CHEK2: variants seen among roughly 807,000 people sequenced by gnomAD.
CHEK2 encodes serine/threonine-protein kinase Chk2.
CHEK2 carries 71 observed loss-of-function variants against 69.1 expected under a neutral mutation model. That is an observed-to-expected ratio of 1.03 (90% CI 0.85 to 1.25). CHEK2 has a LOEUF of 1.25. Ranked by LOEUF, CHEK2 falls within the 50% of genes most tolerant of loss-of-function variation. The pLI is 0.00. For synonymous variants in CHEK2, 189 were observed against 226.9 expected, an observed-to-expected ratio of 0.83 and a Z score of 1.50; for missense variants, 664 against 649.6, an observed-to-expected ratio of 1.02 and a Z score of -0.24.
intron 1 of CHEK2, among the ~76,000 whole-genome samples, chr22:28,740,617 G>C (rs943326898): frequency 6.6e-6 from 1 of 152,196 alleles, no homozygotes; most frequent in Non-Finnish European, 1.5e-5. Context: ...AATGGCTTGA[G>C]CCTGTGTGCC....
rs139582072 is a variant in CHEK2 at position 28,713,131 on chromosome 22, A to C, written c.684-1114T>G. On this transcript the variant is annotated intron_variant, in intron 5 of 14. Coordinates refer to ENST00000404276, the MANE Select transcript of CHEK2 (RefSeq NM_007194.4). ...ATTCTTTCACTTAGCGTAATGCCAT[A>C]ACATTTGTGGTACTTCATTCCTTTT... Among the ~76,000 whole-genome samples, 1,282 of 152,320 alleles carry C rather than the reference A, an allele frequency of 8.4e-3. 21 individuals carry two copies. Among genetic ancestry groups the C allele is most frequent in the African/African-American group, 0.027 (1,141 of 41,560 alleles).
intron 13 of CHEK2, among the ~76,000 whole-genome samples, chr22:28,692,129 A>G (rs1159378449): frequency 2.0e-5 from 3 of 152,228 alleles, no homozygotes; most frequent in Non-Finnish European, 4.4e-5. Context: ...CAAGAAAGAT[A>G]GGCTATGCTT....
At chr22:28,740,006 T>C (rs919448206) in intron 1 of CHEK2, among the ~76,000 whole-genome samples, 2 of 151,918 alleles carry the variant, frequency 1.3e-5, no homozygotes, top group Non-Finnish European at 2.9e-5. Context: ...ATGGAGACCA[T>C]CCTGGTCGAC....
Position 28,689,191 on chromosome 22 carries a change from G to A in CHEK2, c.1486C>T (p.Gln496Ter), listed in dbSNP as rs756250205. 4 of 1,593,188 alleles carry A rather than the reference G, an allele frequency of 2.5e-6. No homozygotes were observed. Among genetic ancestry groups the A allele is most frequent in the Non-Finnish European group, 3.4e-6 (4 of 1,177,068 alleles). The change falls in exon 14 of 15, where the codon CAA (glutamine) becomes TAA (stop). Residue 496 changes from glutamine to a stop codon, truncating the protein, a stop_gained. Coordinates refer to ENST00000404276, the MANE Select transcript of CHEK2 (RefSeq NM_007194.4). LOFTEE classifies it high-confidence loss of function. ...TCATTTTCCTCAGACAGAAGATCTTGAAACTTTCTCTTCATGTCTTCATCC... is the reference window on the plus strand; with the variant it reads ...TCATTTTCCTCAGACAGAAGATCTTAAAACTTTCTCTTCATGTCTTCATCC... ...LQDEDMKRKF[Q>*]DLLSEENEST...
chr22:28,735,128 CCAGGCGCGGGGGT>C (rs2054358255), intron 1 of CHEK2, among the ~76,000 whole-genome samples: 1 of 152,040 alleles, frequency 6.6e-6, no homozygotes, highest in Admixed American at 6.6e-5. Flanking sequence ...ATACAGGGGG[CCAGGCGCGGGGGT>C]TCACTCCTGT....
At chr22:28,726,833 A>G (rs529732195) in intron 2 of CHEK2, among the ~76,000 whole-genome samples, 115 of 144,034 alleles carry the variant, frequency 8.0e-4, no homozygotes, top group African/African-American at 2.8e-3. Flanking sequence ...CCACCATTCC[A>G]GCCCCACCTC....
intron 5 of CHEK2, among the ~76,000 whole-genome samples, chr22:28,716,487 G>A (rs779492686): frequency 1.2e-4 from 19 of 152,044 alleles, no homozygotes; most frequent in Non-Finnish European, 2.2e-4. Context: ...GTGAGCCACC[G>A]TGCCCAGCCC....
chr22:28,710,992 A>C (rs558837699), intron 6 of CHEK2, among the ~76,000 whole-genome samples: 1 of 152,244 alleles, frequency 6.6e-6, no homozygotes, highest in South Asian at 2.1e-4. Context: ...CAAAGTGAAC[A>C]CAAAAAGGAA....
chr22:28,713,743 C>A (rs2053491375), intron 5 of CHEK2, among the ~76,000 whole-genome samples: 1 of 151,400 alleles, frequency 6.6e-6, no homozygotes, highest in Non-Finnish European at 1.5e-5. Flanking sequence ...TGCAGTGGCA[C>A]AATCTCGGCT....
At chr22:28,732,540 C>A (rs1421422777) in intron 2 of CHEK2, among the ~76,000 whole-genome samples, 1 of 152,154 alleles carries the variant, frequency 6.6e-6, no homozygotes, top group Non-Finnish European at 1.5e-5. Flanking sequence ...AGCCACAATG[C>A]CCGGTCTGAA....
chr22:28,690,675 C>G (rs1159028338), intron 13 of CHEK2, among the ~76,000 whole-genome samples: 1 of 151,726 alleles, frequency 6.6e-6, no homozygotes, highest in African/African-American at 2.4e-5. Context: ...TGGTGGCATG[C>G]ACCTGTAGTC....
chr22:28,722,323 G>A (rs1428694792), intron 4 of CHEK2, among the ~76,000 whole-genome samples: 2 of 151,834 alleles, frequency 1.3e-5, no homozygotes, highest in East Asian at 1.9e-4. Flanking sequence ...GAAGGATCAC[G>A]AGGTCAGGAG....
intron 2 of CHEK2, among the ~76,000 whole-genome samples, chr22:28,726,899 C>G (rs1178916108): frequency 1.3e-5 from 2 of 150,262 alleles, no homozygotes; most frequent in Non-Finnish European, 2.9e-5. Context: ...TTTCACTGCC[C>G]CCAAGAATGC....
intron 4 of CHEK2, 70 bp from the exon 5 acceptor site, chr22:28,719,555 T>G (rs2053700726): frequency 1.1e-5 from 9 of 857,112 alleles, no homozygotes; most frequent in East Asian, 2.6e-5. Flanking sequence ...ATTCTAAAAT[T>G]TATTCATCAT....
chr22:28,688,254 T>G (rs973789787), intron 14 of CHEK2, among the ~76,000 whole-genome samples: 1 of 152,174 alleles, frequency 6.6e-6, no homozygotes, highest in Non-Finnish European at 1.5e-5. Flanking sequence ...CAACTTCCTC[T>G]TGATCGTCCT....
At chr22:28,690,462 C>T (rs1379380993) in intron 13 of CHEK2, among the ~76,000 whole-genome samples, 1 of 151,988 alleles carries the variant, frequency 6.6e-6, no homozygotes, top group Non-Finnish European at 1.5e-5. Context: ...AACCCCTTCT[C>T]TACTAAAAAT....
rs17881378 is a variant in CHEK2, at chr22:28,694,086, C to A, written c.1407G>T (p.Val469=). ...ALDLVKKLLV[V]DPKARFTTEE... Reference sequence around the variant, plus strand: ...CTGTCGTAAAACGTGCCTTTGGATCCACTACCAACAACTTCTTGACAAGGT... The same window carrying A: ...CTGTCGTAAAACGTGCCTTTGGATCAACTACCAACAACTTCTTGACAAGGT... The change falls in exon 13 of 15, where the codon GTG becomes GTT. Residue 469 remains valine (V), a synonymous_variant. Transcript: ENST00000404276. 1.9e-6 allele frequency: 3 copies of A among 1,595,960 alleles called. No homozygotes were observed. Among genetic ancestry groups the A allele is most frequent in the Non-Finnish European group, 2.5e-6 (3 of 1,179,504 alleles).
intron 1 of CHEK2, among the ~76,000 whole-genome samples, chr22:28,738,745 A>G (rs2054482932): frequency 6.6e-6 from 1 of 152,194 alleles, no homozygotes; most frequent in Admixed American, 6.6e-5. Context: ...TTTTGGGCAC[A>G]GGGTTTTTAC....
At chr22:28,737,525 A>G (rs890603405) in intron 1 of CHEK2, among the ~76,000 whole-genome samples, 33 of 148,178 alleles carry the variant, frequency 2.2e-4, no homozygotes, top group Non-Finnish European at 1.5e-4. Context: ...GCTGGAGTGC[A>G]GTGGCACAAT....
Sources: gnomAD v4.1 joint callset for allele counts (sites outside exome capture counted in the v4.1 genomes callset) on GRCh38, gnomAD v4.1.1 for gene constraint, MANE v1.5 for transcripts, NCBI Gene and HGNC (gene_info 2026-07-23, HGNC 2026-07-21) for gene names.